PTK2: variants seen among roughly 807,000 people sequenced by gnomAD.
PTK2 encodes the protein protein tyrosine kinase 2.
Under a neutral mutation model 150.1 loss-of-function variants are expected in PTK2, and 45 were observed. The ratio of observed to expected loss-of-function variants is 0.30; its 90% CI spans 0.24 to 0.38. PTK2 has a LOEUF of 0.38. PTK2 is among the 10% of genes least tolerant of loss of function. PTK2 has a pLI of 1.00. For missense variants in PTK2, 919 were observed against 1,307.3 expected (o/e 0.70, Z 4.58); for synonymous variants, 432 against 449.2 (o/e 0.96, Z 0.48).
At chr8:140,769,043 G>A (rs1015192767) in intron 14 of PTK2, among the ~76,000 whole-genome samples, 1 of 152,128 alleles carries the variant, frequency 6.6e-6, no homozygotes, top group African/African-American at 2.4e-5. Context: ...GGAAATGTAA[G>A]ACATAGAATG....
intron 17 of PTK2, among the ~76,000 whole-genome samples, chr8:140,750,600 G>A (rs554565312): frequency 6.6e-6 from 1 of 152,306 alleles, no homozygotes; most frequent in South Asian, 2.1e-4. Context: ...CATGAGAAGA[G>A]GCAAACCATA....
intron 1 of PTK2, among the ~76,000 whole-genome samples, chr8:140,979,378 T>C (rs577403960): frequency 8.2e-5 from 11 of 134,942 alleles, no homozygotes; most frequent in Non-Finnish European, 1.7e-4. Context: ...AATCCACACA[T>C]AGAAAGAACA....
intron 1 of PTK2, among the ~76,000 whole-genome samples, chr8:140,963,336 T>C (rs1371277021): frequency 1.3e-5 from 2 of 152,164 alleles, no homozygotes; most frequent in Non-Finnish European, 2.9e-5. Context: ...GGTTATCTAA[T>C]TTTCCAAAGT....
intron 2 of PTK2, among the ~76,000 whole-genome samples, chr8:140,902,373 C>T (rs995359050): frequency 1.1e-4 from 16 of 151,656 alleles, no homozygotes; most frequent in African/African-American, 3.2e-4. Context: ...TGATGGACAT[C>T]TGGGTTGGTT....
intron 3 of PTK2, 66 bp from the exon 4 acceptor site, chr8:140,879,703 C>CAAAAAAAAAAAAA (rs2100148020): frequency 1.4e-5 from 11 of 793,854 alleles, no homozygotes; most frequent in African/African-American, 6.3e-5. Flanking sequence ...AAAAAAAAAC[C>CAAAAAAAAAAAAA]AAAACAAAAC....
intron 1 of PTK2, among the ~76,000 whole-genome samples, chr8:140,951,874 G>A (rs1038867773): frequency 6.7e-6 from 1 of 148,558 alleles, no homozygotes; most frequent in African/African-American, 2.5e-5. Context: ...GATGGAGCAA[G>A]ACTCTATCTG....
At position 140,931,405 on chromosome 8, in the gene PTK2, A is replaced by G. The variant is rs368404486; in HGVS notation, c.-121-5656T>C. Among the ~76,000 whole-genome samples the G allele has an allele frequency of 2.6e-5, 4 of 152,084 alleles. No individual in the cohort carries two copies. The East Asian group carries it at 7.7e-4, about 29-fold the overall frequency. ...GATGAAACCCCAACTCTATAAAAAAATACCAAACAATTAGCTGGGCATGGT... is the reference window on the plus strand; with the variant it reads ...GATGAAACCCCAACTCTATAAAAAAGTACCAAACAATTAGCTGGGCATGGT... On this transcript the variant is annotated intron_variant, in intron 1 of 31. Transcript: ENST00000522684.
At chr8:140,987,400 C>T (rs1011184166) in intron 1 of PTK2, among the ~76,000 whole-genome samples, 3 of 152,178 alleles carry the variant, frequency 2.0e-5, no homozygotes, top group African/African-American at 7.2e-5. Context: ...AGGCTGGTCT[C>T]CAACTCTTGA....
At chr8:140,965,181 CTCTAG>C (rs1198172579) in intron 1 of PTK2, among the ~76,000 whole-genome samples, 2 of 152,334 alleles carry the variant, frequency 1.3e-5, no homozygotes, top group South Asian at 2.1e-4. Context: ...AAGTCTAACT[CTCTAG>C]TCTAAAGTCT....
At chr8:140,857,795 T>G (rs545520446) in intron 5 of PTK2, among the ~76,000 whole-genome samples, 1 of 152,292 alleles carries the variant, frequency 6.6e-6, no homozygotes, top group Non-Finnish European at 1.5e-5. Flanking sequence ...TGGTAGTAAC[T>G]TGTTTCCAAG....
chr8:140,747,531 C>A (rs1370412488), intron 17 of PTK2, among the ~76,000 whole-genome samples: 1 of 6,050 alleles, frequency 1.7e-4, no homozygotes, highest in Admixed American at 2.5e-3. Flanking sequence ...AGGAGGGGGA[C>A]GAGGAGGGGG....
At chr8:140,960,227 C>CTCACTCTG (rs1392941193) in intron 1 of PTK2, among the ~76,000 whole-genome samples, 8 of 115,912 alleles carry the variant, frequency 6.9e-5, no homozygotes, top group Non-Finnish European at 1.1e-4. Context: ...GAGACGGAGT[C>CTCACTCTG]TCACTCTGTC....
chr8:140,745,210 G>A (rs1219789089), intron 18 of PTK2, among the ~76,000 whole-genome samples: 1 of 152,180 alleles, frequency 6.6e-6, no homozygotes, highest in Non-Finnish European at 1.5e-5. Flanking sequence ...GGAGAAAGCA[G>A]GGACAAGAAG....
chr8:140,917,556 G>A (rs2100165782), intron 2 of PTK2, among the ~76,000 whole-genome samples: 1 of 152,146 alleles, frequency 6.6e-6, no homozygotes, highest in East Asian at 1.9e-4. Context: ...CCAAAAGTTT[G>A]ACATGGAAGA....
intron 25 of PTK2, among the ~76,000 whole-genome samples, chr8:140,701,351 A>G (rs1184552282): frequency 1.3e-5 from 2 of 152,238 alleles, no homozygotes; most frequent in Non-Finnish European, 2.9e-5. Flanking sequence ...CTGAAATACA[A>G]TACATATTAC....
At chr8:140,846,294 C>T (rs1460350833) in exon 7 of PTK2, 9 of 1,612,476 alleles carry the variant, frequency 5.6e-6, no homozygotes, top group Non-Finnish European at 7.6e-6. Context: ...TTTTCTAGTG[C>T]ATTGCCCCGC....
intron 2 of PTK2, among the ~76,000 whole-genome samples, chr8:140,923,667 T>C (rs1011726544): frequency 1.3e-5 from 2 of 152,244 alleles, no homozygotes; most frequent in Admixed American, 6.5e-5. Context: ...TTATGAATTC[T>C]ACATACTAAT....
At chr8:140,943,070 C>G (rs1261571348) in intron 1 of PTK2, among the ~76,000 whole-genome samples, 1 of 152,156 alleles carries the variant, frequency 6.6e-6, no homozygotes, top group Non-Finnish European at 1.5e-5. Flanking sequence ...GTTTCCTGTA[C>G]AGCCCGCAGA....
At chr8:140,844,938 T>C (rs2100124446) in intron 7 of PTK2, among the ~76,000 whole-genome samples, 2 of 152,190 alleles carry the variant, frequency 1.3e-5, no homozygotes, top group Admixed American at 1.3e-4. Flanking sequence ...CTGTGACTGG[T>C]ATCCATAGTG....
Sources: gnomAD v4.1 joint callset for allele counts (sites outside exome capture counted in the v4.1 genomes callset) on GRCh38, gnomAD v4.1.1 for gene constraint, MANE v1.5 for transcripts, NCBI Gene and HGNC (gene_info 2026-07-23, HGNC 2026-07-21) for gene names.